Variants in SLC6A16 observed in about 807,000 individuals in gnomAD.
SLC6A16 encodes solute carrier family 6 member 16, also known as orphan sodium- and chloride-dependent neurotransmitter transporter NTT5.
In SLC6A16, 54 loss-of-function variants were observed where a neutral mutation model predicts 65.4. That is an observed-to-expected ratio of 0.83 (90% CI 0.66 to 1.04). The LOEUF (loss-of-function observed/expected upper bound fraction) is 1.04. Ranked by LOEUF, SLC6A16 falls within the 50% of genes least tolerant of loss-of-function variation. The probability of loss-of-function intolerance (pLI) is 0.00; values close to 1 mark genes in which losing one functional copy is unlikely to be tolerated. For synonymous variants in SLC6A16, 330 were observed against 346.5 expected (o/e 0.95, Z 0.53); for missense variants, 816 against 914.0 (o/e 0.89, Z 1.38).
At chr19:49,336,802 AGG>A in the SLC6A16 span, 10 of 1,176,554 alleles carry the variant, frequency 8.5e-6, no homozygotes, top group Non-Finnish European at 1.1e-5. Flanking sequence ...TCCCAGAGAG[AGG>A]GGCACCAAGA....
Position 49,311,334 on chromosome 19 carries a change from G to A in SLC6A16, c.14C>T (p.Ala5Val), listed in dbSNP as rs756089172. 1.1e-5 allele frequency: 17 copies of A among 1,584,216 alleles called. No individual in the cohort carries two copies. The highest frequency in any genetic ancestry group is 1.3e-5 in the African/African-American group (1 of 74,164). ...TGCCAGCAAGGATGTCGAAGGCTGG[G>A]CCTCTGTCTTCATCTCACACAGACT... MKTE[A>V]QPSTSLLANT... is the part of the protein sequence containing the mutation. The change falls in exon 2 of 12, where the codon GCC (alanine) becomes GTC (valine). Residue 5 changes from alanine (A) to valine (V), a missense_variant. Coordinates refer to ENST00000335875, the MANE Select transcript of SLC6A16 (RefSeq NM_014037.3).
chr19:49,327,701 T>C (rs1970812738), upstream of SLC6A16, among the ~76,000 whole-genome samples: 4 of 152,162 alleles, frequency 2.6e-5, no homozygotes, highest in Admixed American at 2.6e-4. Flanking sequence ...AGAGTGCTGA[T>C]AGGGAGTTAC....
chr19:49,338,253 G>A, the SLC6A16 span: 1 of 1,346,422 alleles, frequency 7.4e-7, no homozygotes, highest in Admixed American at 3.0e-5. The surrounding 1 kb of genome is among the most constrained non-coding windows in gnomAD (Gnocchi z 5.0). Context: ...TCTACCTCGA[G>A]AGACTCCGCC....
chr19:49,316,866 A>C (rs1039128183), intron 1 of SLC6A16, among the ~76,000 whole-genome samples: 3 of 151,090 alleles, frequency 2.0e-5, no homozygotes, highest in African/African-American at 7.3e-5. Context: ...CCAAAAAAAA[A>C]AAAAAAAAAT....
chr19:49,292,640 T>C lies in SLC6A16; in HGVS notation c.1778+583A>G, dbSNP rs530165361. Among the ~76,000 whole-genome samples, 31 of 152,264 alleles carry C rather than the reference T, an allele frequency of 2.0e-4. No individual in the cohort carries two copies. The East Asian group carries it at 2.1e-3, about 10-fold the overall frequency. ...ACTTCTCTAGCCCCATCTCCTAATA[T>C]CTTCTATTCCAGCCTCTCTGACTTC... On this transcript the variant is annotated intron_variant, in intron 10 of 11. Transcript: ENST00000335875. This position sits in a 1 kb window ranked among gnomAD's most constrained non-coding sequence, Gnocchi z 4.3.
At position 49,310,350 on chromosome 19, in the gene SLC6A16, C is replaced by G. The variant is rs1010477061; in HGVS notation, c.573+3G>C. On this transcript the variant is annotated splice_donor_region_variant and intron_variant, in intron 3 of 11. Transcript: ENST00000335875. ...CAGGCCTGGGCAGCCATGGGCTCCT[C>G]ACCATGAAGCTAGAATACCCCACAC... 1 of 1,613,742 alleles carries G rather than the reference C, an allele frequency of 6.2e-7. No individual in the cohort carries two copies. The highest frequency in any genetic ancestry group is 1.3e-5 in the African/African-American group (1 of 74,886).
At chr19:49,296,716 C>T (rs983045562) in intron 7 of SLC6A16, among the ~76,000 whole-genome samples, 34 of 152,058 alleles carry the variant, frequency 2.2e-4, no homozygotes, top group African/African-American at 8.2e-4. Flanking sequence ...TGGCCAGGCG[C>T]GGTGGCTCAT....
Position 49,290,587 on chromosome 19 carries a change from G to T in SLC6A16, c.1941+18C>A. The T allele has an allele frequency of 6.2e-7, 1 of 1,613,770 alleles. No individual in the cohort carries two copies. The highest frequency in any genetic ancestry group is 8.5e-7 in the Non-Finnish European group (1 of 1,179,746). On this transcript the variant is annotated intron_variant, in intron 11 of 11. Coordinates refer to ENST00000335875, the MANE Select transcript of SLC6A16 (RefSeq NM_014037.3). ...GCCCCTACTCCCAAAGGGGTTCTGGGTCCTGGGGGAGGCTCACGGTGCTTG... is the reference window on the plus strand; with the variant it reads ...GCCCCTACTCCCAAAGGGGTTCTGGTTCCTGGGGGAGGCTCACGGTGCTTG...
intron 1 of SLC6A16, among the ~76,000 whole-genome samples, chr19:49,321,610 C>T (rs1468416087): frequency 6.6e-6 from 1 of 152,132 alleles, no homozygotes; most frequent in Admixed American, 6.6e-5. Context: ...GTGGTGTGCA[C>T]CTGTAGTCCC....
intron 7 of SLC6A16, among the ~76,000 whole-genome samples, chr19:49,304,523 C>T (rs902951207): frequency 3.9e-5 from 6 of 152,136 alleles, no homozygotes; most frequent in East Asian, 1.9e-4. Context: ...CTCAGCACTT[C>T]GGGAGGCTGA....
chr19:49,313,176 T>C (rs940126796), intron 1 of SLC6A16, among the ~76,000 whole-genome samples: 3 of 152,080 alleles, frequency 2.0e-5, no homozygotes, highest in Admixed American at 1.3e-4. Flanking sequence ...TTACTTTTTT[T>C]TCAGACACAG....
intron 7 of SLC6A16, among the ~76,000 whole-genome samples, chr19:49,298,621 C>T (rs1970226907): frequency 6.6e-6 from 1 of 152,192 alleles, no homozygotes; most frequent in Non-Finnish European, 1.5e-5. Context: ...TAAATTAGTT[C>T]AGCCACTGTG....
intron 7 of SLC6A16, among the ~76,000 whole-genome samples, chr19:49,308,429 G>A (rs1301089170): frequency 6.6e-6 from 1 of 152,010 alleles, no homozygotes; most frequent in Non-Finnish European, 1.5e-5. Flanking sequence ...CTCCAGCCTG[G>A]GTGAAAGAGC....
intron 1 of SLC6A16, among the ~76,000 whole-genome samples, chr19:49,312,944 G>A (rs555511031): frequency 2.7e-4 from 41 of 152,030 alleles, no homozygotes; most frequent in African/African-American, 9.2e-4. Context: ...CAGGCCAGGC[G>A]CAGTGGCTCA....
chr19:49,325,012 G>C, intron 1 of SLC6A16, 36 bp downstream of exon 1: 1 of 984,142 alleles, frequency 1.0e-6, no homozygotes, highest in Non-Finnish European at 1.2e-6. Context: ...CCCAGATGTG[G>C]GAACATTTTA....
chr19:49,322,974 T>G (rs1406071075), intron 1 of SLC6A16, among the ~76,000 whole-genome samples: 1 of 151,722 alleles, frequency 6.6e-6, no homozygotes, highest in Non-Finnish European at 1.5e-5. Flanking sequence ...ATTTCCTGAT[T>G]TCAAAACATA....
In SLC6A16 at chr19:49,309,657, A is replaced by C; in HGVS notation, c.870T>G (p.Thr290=). ...TCCAATACTGGTGGCTCACCTTCCCAGTGGACTTGAGCCCATTGATCATGA... is the reference window on the plus strand; with the variant it reads ...TCCAATACTGGTGGCTCACCTTCCCCGTGGACTTGAGCCCATTGATCATGA... ...GAFMINGLKS[T]GKVIYVLVLL... The change falls in exon 5 of 12, where the codon ACT becomes ACG. Residue 290 remains threonine (T), a synonymous_variant. Transcript: ENST00000335875. 1 of 1,612,794 alleles carries C rather than the reference A, an allele frequency of 6.2e-7. No homozygotes were observed.
the SLC6A16 span, chr19:49,339,303 CCTTTAA>C: frequency 6.3e-7 from 1 of 1,599,962 alleles, no homozygotes; most frequent in African/African-American, 1.3e-5. The surrounding 1 kb of genome is among the most constrained non-coding windows in gnomAD (Gnocchi z 4.5). Flanking sequence ...AGAAAGAATC[CCTTTAA>C]CTTTTCCCTA....
In SLC6A16 at chr19:49,310,073, T is replaced by A; in HGVS notation, c.667A>T (p.Lys223Ter). Reference protein sequence around the residue: ...QSFQFPVPWEKCPLTMNSSGF... With the variant: ...QSFQFPVPWE ...CTAGAGTTCATCGTTAAGGGACATTTCTCCCATGGAACGGGAAACTGGAAG... is the reference window on the plus strand; with the variant it reads ...CTAGAGTTCATCGTTAAGGGACATTACTCCCATGGAACGGGAAACTGGAAG... Residue 223 changes from lysine to a stop codon, truncating the protein, a stop_gained, in exon 4 of 12, where the codon AAA becomes TAA. Coordinates refer to ENST00000335875, the MANE Select transcript of SLC6A16 (RefSeq NM_014037.3). LOFTEE classifies it high-confidence loss of function. 2 of 1,614,090 alleles carry A rather than the reference T, an allele frequency of 1.2e-6. No individual in the cohort carries two copies. The highest frequency in any genetic ancestry group is 1.7e-6 in the Non-Finnish European group (2 of 1,180,040).
Sources: allele counts gnomAD v4.1 joint callset (sites outside exome capture counted in the v4.1 genomes callset), GRCh38; gene constraint gnomAD v4.1.1; non-coding constraint Gnocchi (gnomAD v3.1); transcripts MANE v1.5; gene names NCBI Gene and HGNC (gene_info 2026-07-23, HGNC 2026-07-21).